ZNF567: variants seen among roughly 807,000 people sequenced by gnomAD.
The protein encoded by ZNF567 is zinc finger protein 567.
In ZNF567, 36 loss-of-function variants were observed where a neutral mutation model predicts 53.9. That is an observed-to-expected ratio of 0.67 (90% CI 0.51 to 0.88). The LOEUF is 0.88. Among genes scored for constraint, ZNF567 ranks in the 40% least tolerant of loss-of-function variants. The pLI is 0.00. For synonymous variants in ZNF567, 224 were observed against 260.4 expected, an observed-to-expected ratio of 0.86 and a Z score of 1.35; for missense variants, 619 against 764.7, an observed-to-expected ratio of 0.81 and a Z score of 2.25.
At chr19:36,679,331 C>T in the ZNF567 span, among the ~76,000 whole-genome samples, 4 of 152,146 alleles carry the variant, frequency 2.6e-5, no homozygotes, top group Non-Finnish European at 5.9e-5. Context: ...CTGTTAGACA[C>T]CTGCTATTAC....
rs201644378 is a variant in ZNF567, at chr19:36,720,202, T to C, written c.1478T>C (p.Ile493Thr). ...GKAFRMKSYL[I>T]DHHRTHTGEK... Reference sequence around the variant, plus strand: ...GCCTTTAGAATGAAGTCATACCTCATTGATCATCACCGAACTCACACAGGA... The same window carrying C: ...GCCTTTAGAATGAAGTCATACCTCACTGATCATCACCGAACTCACACAGGA... Residue 493 changes from isoleucine (I) to threonine (T), a missense_variant, in exon 6 of 6, where the codon ATT becomes ACT. Transcript: ENST00000682579. 5 of 1,614,056 alleles carry C rather than the reference T, an allele frequency of 3.1e-6. No individual in the cohort carries two copies. Among genetic ancestry groups the C allele is most frequent in the East Asian group, 4.5e-5 (2 of 44,854 alleles).
At chr19:36,691,641 C>G (rs918176648) in intron 2 of ZNF567, among the ~76,000 whole-genome samples, 8 of 152,340 alleles carry the variant, frequency 5.3e-5, no homozygotes, top group African/African-American at 1.9e-4. Flanking sequence ...CAGAACACTT[C>G]TAGCCCCCAT....
downstream of ZNF567, among the ~76,000 whole-genome samples, chr19:36,722,957 T>G (rs2040317004): frequency 6.6e-6 from 1 of 152,150 alleles, no homozygotes; most frequent in Non-Finnish European, 1.5e-5. Flanking sequence ...TGCATAAAGA[T>G]TTTTTAAAGT....
At chr19:36,672,859 G>C in the ZNF567 span, among the ~76,000 whole-genome samples, 2 of 152,174 alleles carry the variant, frequency 1.3e-5, no homozygotes, top group East Asian at 3.8e-4. Context: ...TGAGGAGCTC[G>C]CTTGCTGAGG....
upstream of ZNF567, among the ~76,000 whole-genome samples, chr19:36,687,016 T>C (rs760309704): frequency 2.0e-5 from 3 of 152,160 alleles, no homozygotes; most frequent in Non-Finnish European, 4.4e-5. Context: ...GCATGGATCA[T>C]AGTCCTCACA....
At chr19:36,676,144 G>A in the ZNF567 span, among the ~76,000 whole-genome samples, 1 of 124,412 alleles carries the variant, frequency 8.0e-6, no homozygotes, top group Non-Finnish European at 1.6e-5. Flanking sequence ...TTGGCTCACT[G>A]CAACCTCTGC....
chr19:36,671,565 T>G, the ZNF567 span, among the ~76,000 whole-genome samples: 1 of 152,192 alleles, frequency 6.6e-6, no homozygotes, highest in East Asian at 1.9e-4. Flanking sequence ...TTGGGCCACA[T>G]GATCCAACAA....
intron 1 of ZNF567, among the ~76,000 whole-genome samples, chr19:36,688,818 A>G (rs2038418362): frequency 7.7e-6 from 1 of 130,116 alleles, no homozygotes; most frequent in Non-Finnish European, 1.6e-5. Flanking sequence ...AAAAAAAAAA[A>G]AAGATTGGGC....
At chr19:36,704,507 A>G (rs530707276) in intron 3 of ZNF567, among the ~76,000 whole-genome samples, 26 of 152,278 alleles carry the variant, frequency 1.7e-4, no homozygotes, top group Non-Finnish European at 3.1e-4. Context: ...TAATATTACT[A>G]TAATGAATTA....
upstream of ZNF567, chr19:36,687,552 A>C (rs1318836220): frequency 6.6e-6 from 1 of 152,304 alleles, no homozygotes. Context: ...GCCGGTGGAC[A>C]GCAGGAACGC....
chr19:36,668,287 T>C, the ZNF567 span: 1 of 152,326 alleles, frequency 6.6e-6, no homozygotes. Context: ...CTGTTCTATA[T>C]GCCCGCGTGG....
chr19:36,691,469 A>G (rs1010074515), intron 2 of ZNF567, among the ~76,000 whole-genome samples: 4 of 152,208 alleles, frequency 2.6e-5, no homozygotes, highest in Admixed American at 6.5e-5. Context: ...CCTGGCCTCC[A>G]GGATACTTTG....
intron 3 of ZNF567, among the ~76,000 whole-genome samples, chr19:36,710,808 ATTC>A (rs1482020800): frequency 1.3e-5 from 2 of 152,144 alleles, no homozygotes; most frequent in African/African-American, 4.8e-5. Context: ...CTTAAATTTT[ATTC>A]TTCTTGGGCT....
At chr19:36,700,927 T>C (rs8100465) in intron 3 of ZNF567, among the ~76,000 whole-genome samples, 100,566 of 150,416 alleles carry the variant, frequency 0.67, 33,852 homozygotes, top group East Asian at 0.82. Context: ...TTTCCTTCAG[T>C]TCTGCTCTGA....
At chr19:36,682,531 C>T in the ZNF567 span, among the ~76,000 whole-genome samples, 1 of 149,236 alleles carries the variant, frequency 6.7e-6, no homozygotes, top group Non-Finnish European at 1.5e-5. Context: ...AGGGAGCCTT[C>T]TGGGATGTTG....
chr19:36,705,678 G>T (rs2039454616), intron 3 of ZNF567, among the ~76,000 whole-genome samples: 1 of 147,994 alleles, frequency 6.8e-6, no homozygotes, highest in Non-Finnish European at 1.5e-5. Context: ...ATATCAGTGA[G>T]ATTAAATTGG....
chr19:36,695,190 G>C (rs1194543144), intron 3 of ZNF567, among the ~76,000 whole-genome samples: 11 of 150,996 alleles, frequency 7.3e-5, no homozygotes, highest in Non-Finnish European at 1.0e-4. Context: ...AGACCAGCCA[G>C]CCTGGGCAAC....
At chr19:36,723,782 C>T (rs1180644438), downstream of ZNF567, among the ~76,000 whole-genome samples, 1 of 151,980 alleles carries the variant, frequency 6.6e-6, no homozygotes, top group East Asian at 1.9e-4. Context: ...TGCAGTGAGC[C>T]AAGATGATGC....
intron 5 of ZNF567, chr19:36,714,512 GAAAATT>G: frequency 2.5e-6 from 1 of 398,402 alleles, no homozygotes; most frequent in Non-Finnish European, 4.4e-6. Flanking sequence ...TTTAAAAAGA[GAAAATT>G]ATTGGTTAGT....
Sources: gnomAD v4.1 joint callset for allele counts (sites outside exome capture counted in the v4.1 genomes callset) on GRCh38, gnomAD v4.1.1 for gene constraint, MANE v1.5 for transcripts, NCBI Gene and HGNC (gene_info 2026-07-23, HGNC 2026-07-21) for gene names.